SGPP2: variants seen among roughly 807,000 people sequenced by gnomAD.
SGPP2 encodes the protein sphingosine-1-phosphate phosphatase 2, also known as sphingosine 1-phosphate phosphohydrolase 2.
In SGPP2, 30 loss-of-function variants were observed where a neutral mutation model predicts 33.9. The ratio of observed to expected loss-of-function variants is 0.89; its 90% CI spans 0.66 to 1.20. The LOEUF (loss-of-function observed/expected upper bound fraction) is 1.20, where lower values mean the gene tolerates loss of function less well. SGPP2 is among the 50% of genes most tolerant of loss of function. SGPP2 has a pLI of 0.00. For missense variants in SGPP2, 458 were observed against 532.1 expected (o/e 0.86, Z 1.37); for synonymous variants, 233 against 225.0 (o/e 1.04, Z -0.32).
chr2:222,495,822 A>G (rs1698271761), intron 2 of SGPP2, among the ~76,000 whole-genome samples: 1 of 152,132 alleles, frequency 6.6e-6, no homozygotes, highest in Non-Finnish European at 1.5e-5. Flanking sequence ...CCTTGACTTG[A>G]CCAAACTCTA....
At position 222,426,411 on chromosome 2, in the gene SGPP2, G is replaced by A. The variant is rs751316764; in HGVS notation, c.219+1590G>A. Among the ~76,000 whole-genome samples the A allele has an allele frequency of 5.6e-4, 85 of 152,126 alleles. 1 individual carries two copies. Among genetic ancestry groups the A allele is most frequent in the Admixed American group, 1.3e-3 (20 of 15,272 alleles). On this transcript the variant is annotated intron_variant, in intron 1 of 4. Transcript: ENST00000321276. ...TCAGGAAGCTGAAAAAGAGTGAATT[G>A]TTCCACCAGTGCTTCTCAAACTGTT...
intron 2 of SGPP2, among the ~76,000 whole-genome samples, chr2:222,481,752 A>C (rs1210982650): frequency 6.6e-6 from 1 of 152,092 alleles, no homozygotes; most frequent in Admixed American, 6.5e-5. Flanking sequence ...GTGGGGGGTG[A>C]CCAGCCCTTA....
intron 2 of SGPP2, among the ~76,000 whole-genome samples, chr2:222,510,292 G>A (rs890303062): frequency 6.6e-6 from 1 of 152,166 alleles, no homozygotes; most frequent in South Asian, 2.1e-4. Flanking sequence ...TCATCTTACT[G>A]GTAAGCTGAG....
rs1024635923 is a variant in SGPP2, at chr2:222,477,040, TGTGTGTATAG to T, written c.378+2324_378+2333del. ...GTATATAGGTGTGTATATATGTGTA[TGTGTGTATAG>T]GTGTGTATATATGTGTGTTTATAGA... On this transcript the variant is annotated intron_variant, in intron 2 of 4. Transcript: ENST00000321276. This position sits in a 1 kb window ranked among gnomAD's most constrained non-coding sequence, Gnocchi z 6.0. 3.1e-4 allele frequency among the ~76,000 whole-genome samples: 45 copies of T among 147,366 alleles called. No homozygotes were observed. Among genetic ancestry groups the T allele is most frequent in the African/African-American group, 1.0e-3 (39 of 37,214 alleles).
intron 1 of SGPP2, among the ~76,000 whole-genome samples, chr2:222,426,239 AAAACAAAC>A (rs1256838372): frequency 6.7e-5 from 10 of 148,892 alleles, no homozygotes; most frequent in Admixed American, 2.7e-4. Flanking sequence ...AAAAAAGACC[AAAACAAAC>A]AAACAAACAA....
At chr2:222,540,630 A>G (rs571883703) in intron 4 of SGPP2, among the ~76,000 whole-genome samples, 1 of 150,034 alleles carries the variant, frequency 6.7e-6, no homozygotes, top group East Asian at 1.9e-4. Context: ...AGTGGATTGC[A>G]ATGGATATTA....
chr2:222,493,593 C>G (rs985898284), intron 2 of SGPP2, among the ~76,000 whole-genome samples: 4 of 152,166 alleles, frequency 2.6e-5, no homozygotes, highest in African/African-American at 9.7e-5. Flanking sequence ...GCCTTGGCCT[C>G]CCAAAGTACT....
At chr2:222,553,678 C>T (rs115059487) in intron 4 of SGPP2, among the ~76,000 whole-genome samples, 2 of 152,322 alleles carry the variant, frequency 1.3e-5, no homozygotes, top group Non-Finnish European at 2.9e-5. Flanking sequence ...AGAAAGGATT[C>T]GTCCTTTTGG....
At chr2:222,445,704 G>A (rs897279057) in intron 1 of SGPP2, among the ~76,000 whole-genome samples, 10 of 152,206 alleles carry the variant, frequency 6.6e-5, no homozygotes, top group Admixed American at 5.9e-4. Flanking sequence ...AGGATGTGTG[G>A]AAAAGGCTGA....
chr2:222,463,410 G>A (rs548378998), intron 1 of SGPP2, among the ~76,000 whole-genome samples: 1 of 152,216 alleles, frequency 6.6e-6, no homozygotes, highest in Non-Finnish European at 1.5e-5. Context: ...CTTGAGGCCA[G>A]GAGTTCAAGA....
chr2:222,474,249 C>A (rs563462551), intron 1 of SGPP2, among the ~76,000 whole-genome samples: 2 of 152,276 alleles, frequency 1.3e-5, no homozygotes, highest in East Asian at 3.9e-4. Flanking sequence ...CATATAATGT[C>A]CTAACAGAAT....
rs1689267881 is a variant in SGPP2, at chr2:222,550,160, G to A, written c.649-8187G>A. On this transcript the variant is annotated intron_variant, in intron 4 of 4. Coordinates refer to ENST00000321276, the MANE Select transcript of SGPP2 (RefSeq NM_152386.4). This position sits in a 1 kb window ranked among gnomAD's most constrained non-coding sequence, Gnocchi z 4.5. Reference sequence around the variant, plus strand: ...CCCAAAGTGCTGGGATTACAGGCATGAGCCACCGCACCCAGCCTGTATGCC... The same window carrying A: ...CCCAAAGTGCTGGGATTACAGGCATAAGCCACCGCACCCAGCCTGTATGCC... 6.6e-6 allele frequency among the ~76,000 whole-genome samples: 1 copy of A among 152,190 alleles called. No individual in the cohort carries two copies. The highest frequency in any genetic ancestry group is 2.4e-5 in the African/African-American group (1 of 41,450).
At chr2:222,526,301 C>G in intron 4 of SGPP2, among the ~76,000 whole-genome samples, 1 of 152,192 alleles carries the variant, frequency 6.6e-6, no homozygotes, top group East Asian at 1.9e-4. Context: ...TGGCCCTGAC[C>G]TGGGTGCTGC....
In SGPP2 at chr2:222,559,566, A is replaced by G. The variant is rs947039198; in HGVS notation, c.*668A>G. On this transcript the variant is annotated 3_prime_UTR_variant, in exon 5 of 5. Coordinates refer to ENST00000321276, the MANE Select transcript of SGPP2 (RefSeq NM_152386.4). The stretch of plus-strand genomic sequence containing the variant: ...AAACTCTGCCTCCCGGGCTCAAGCA[A>G]TCCTCCTGCCTGAGCCAACTGAGTA... 1 of 152,554 alleles carries G rather than the reference A, an allele frequency of 6.6e-6. No homozygotes were observed. Among genetic ancestry groups the G allele is most frequent in the African/African-American group, 2.4e-5 (1 of 41,400 alleles). The allele number at this position is 152,554 out of a possible 1,614,324, so 9.5% of individuals were successfully genotyped here.
chr2:222,556,467 C>T (rs1162837954), intron 4 of SGPP2, among the ~76,000 whole-genome samples: 9 of 142,208 alleles, frequency 6.3e-5, no homozygotes, highest in South Asian at 4.8e-4. Context: ...CTCACTCCCC[C>T]GCATCCACTC....
At chr2:222,521,675 A>G in intron 2 of SGPP2, 92 bp from the exon 3 acceptor site, 3 of 1,404,952 alleles carry the variant, frequency 2.1e-6, no homozygotes, top group Non-Finnish European at 2.9e-6. Context: ...TTCAATCAAC[A>G]ACCTGAGAAC....
intron 1 of SGPP2, among the ~76,000 whole-genome samples, chr2:222,450,430 T>A (rs2043290665): frequency 6.6e-6 from 1 of 152,242 alleles, no homozygotes; most frequent in Admixed American, 6.5e-5. Flanking sequence ...CAATTAGTTA[T>A]AGGCTATCAT....
intron 2 of SGPP2, among the ~76,000 whole-genome samples, chr2:222,489,735 G>A (rs1698168762): frequency 6.6e-6 from 1 of 152,166 alleles, no homozygotes; most frequent in Admixed American, 6.5e-5. Context: ...GGAGGCCGAG[G>A]CAGGTGGATC....
chr2:222,430,943 C>G (rs1697143788), intron 1 of SGPP2, among the ~76,000 whole-genome samples: 1 of 151,400 alleles, frequency 6.6e-6, no homozygotes, highest in Non-Finnish European at 1.5e-5. Context: ...GGAGGCATGA[C>G]TAAATGTTAT....
Sources: allele counts gnomAD v4.1 joint callset (sites outside exome capture counted in the v4.1 genomes callset), GRCh38; gene constraint gnomAD v4.1.1; non-coding constraint Gnocchi (gnomAD v3.1); transcripts MANE v1.5; gene names NCBI Gene and HGNC (gene_info 2026-07-23, HGNC 2026-07-21).